CSDE1: variants seen among roughly 807,000 people sequenced by gnomAD.
CSDE1 encodes the protein cold shock domain containing E1.
CSDE1 carries 17 observed loss-of-function variants against 89.3 expected under a neutral mutation model. The ratio of observed to expected loss-of-function variants is 0.19; its 90% CI spans 0.13 to 0.29. CSDE1 has a LOEUF of 0.29. CSDE1 is among the 10% of genes least tolerant of loss of function. The pLI is 1.00. For missense variants in CSDE1, 672 were observed against 984.2 expected (o/e 0.68, Z 4.24); for synonymous variants, 322 against 332.8 (o/e 0.97, Z 0.35).
In CSDE1 at chr1:114,746,975, A is replaced by C. The variant is rs1423296699; in HGVS notation, c.-1+2846T>G. 3 of 152,150 alleles carry C rather than the reference A, an allele frequency of 2.0e-5. No homozygotes were observed. In the East Asian group the frequency reaches 5.8e-4, roughly 29 times the overall value. 9.4% of individuals were successfully genotyped at this position (152,150 alleles called of 1,614,324 possible). A position where few individuals can be genotyped will look rare whatever the true frequency, so the allele number is the denominator to read the frequency against. On this transcript the variant is annotated intron_variant, in intron 2 of 19. Coordinates refer to ENST00000358528, the MANE Select transcript of CSDE1 (RefSeq NM_001007553.3). ...AAGTAATCCTGTTATTTTCTCACTC[A>C]TCTGGGGCCTCAGTTTTCTCTTGCT...
intron 3 of CSDE1, 87 bp downstream of exon 3, chr1:114,739,605 A>G: frequency 1.7e-6 from 2 of 1,161,250 alleles, no homozygotes; most frequent in Non-Finnish European, 2.5e-6. Context: ...AATTTACATA[A>G]AACTTTTTGA....
chr1:114,721,096 G>T (rs1659495023), intron 16 of CSDE1, among the ~76,000 whole-genome samples: 1 of 152,138 alleles, frequency 6.6e-6, no homozygotes, highest in African/African-American at 2.4e-5. Flanking sequence ...AAATACTTTT[G>T]TCCCATACTC....
intron 13 of CSDE1, 69 bp downstream of exon 13, chr1:114,726,914 C>A: frequency 2.0e-6 from 2 of 991,178 alleles, no homozygotes; most frequent in Non-Finnish European, 3.1e-6. Context: ...TTTGAAGAAC[C>A]CATCCTGCAG....
At chr1:114,723,495 C>T (rs1659637230) in intron 16 of CSDE1, among the ~76,000 whole-genome samples, 1 of 152,014 alleles carries the variant, frequency 6.6e-6, no homozygotes. Context: ...GGGAAAAAAA[C>T]AGTAAACTTT....
chr1:114,717,994 A>T lies in CSDE1; in HGVS notation c.*175T>A. The T allele has an allele frequency of 1.6e-6, 1 of 613,838 alleles. No individual in the cohort carries two copies. The highest frequency in any genetic ancestry group is 2.7e-6 in the Non-Finnish European group (1 of 364,526). The allele number at this position is 613,838 out of a possible 1,614,324, so 38.0% of individuals were successfully genotyped here. ...GTGCATTATTTAAAATGGTTTTCTT[A>T]AATTTATTTATTTTTTTAAACATAA... On this transcript the variant is annotated 3_prime_UTR_variant, in exon 20 of 20. Transcript: ENST00000358528.
chr1:114,743,230 C>T (rs1481787038), intron 2 of CSDE1, among the ~76,000 whole-genome samples: 2 of 152,142 alleles, frequency 1.3e-5, no homozygotes, highest in African/African-American at 4.8e-5. Context: ...GTCTCGCTGT[C>T]ACCCAGCCTG....
intron 2 of CSDE1, among the ~76,000 whole-genome samples, chr1:114,742,565 C>T (rs1660788028): frequency 6.6e-6 from 1 of 152,070 alleles, no homozygotes; most frequent in Admixed American, 6.6e-5. Flanking sequence ...CTGGGCAACA[C>T]AGCAAGACTC....
At position 114,737,533 on chromosome 1, in the gene CSDE1, T is replaced by C. The variant is rs778586863; in HGVS notation, c.340A>G (p.Ser114Gly). The C allele has an allele frequency of 6.2e-7, 1 of 1,613,458 alleles. No individual in the cohort carries two copies. Among genetic ancestry groups the C allele is most frequent in the Admixed American group, 1.7e-5 (1 of 59,930 alleles). Reference sequence around the variant, plus strand: ...TGACCCGGGGCAGCTGGAGATTTACTCTCTAAGTTGTGAGGAACAGCGCAC... The same window carrying C: ...TGACCCGGGGCAGCTGGAGATTTACCCTCTAAGTTGTGAGGAACAGCGCAC... ...VVCAVPHNLE[S>G]KSPAAPGQSP... Residue 114 changes from serine (S) to glycine (G), a missense_variant, in exon 5 of 20, where the codon AGT (serine) becomes GGT (glycine). Around this residue, in one of 8 missense-constraint regions of CSDE1, gnomAD observed 124 missense variants for 138.7 expected, o/e 0.89. Transcript: ENST00000358528.
At chr1:114,726,421 C>T (rs1198990953) in intron 13 of CSDE1, 35 bp from the exon 14 acceptor site, 12 of 1,541,590 alleles carry the variant, frequency 7.8e-6, no homozygotes, top group Non-Finnish European at 9.7e-6. Context: ...AACACCATAT[C>T]ACTTCCACAC....
At chr1:114,721,206 A>AT (rs1390063032) in intron 16 of CSDE1, among the ~76,000 whole-genome samples, 2 of 152,156 alleles carry the variant, frequency 1.3e-5, no homozygotes, top group African/African-American at 4.8e-5. Context: ...GCTCCCTCAC[A>AT]TAGGTTCCTT....
intron 12 of CSDE1, 45 bp from the exon 13 acceptor site, chr1:114,727,135 CA>C (rs923123067): frequency 1.5e-6 from 2 of 1,364,860 alleles, no homozygotes; most frequent in African/African-American, 2.9e-5. Flanking sequence ...ATCTCAAGAA[CA>C]AAAACCAATA....
chr1:114,736,044 G>A (rs1660383718), intron 6 of CSDE1, among the ~76,000 whole-genome samples: 1 of 152,098 alleles, frequency 6.6e-6, no homozygotes, highest in African/African-American at 2.4e-5. Context: ...CCTTAGCCCA[G>A]TTTATGGTAC....
At chr1:114,734,252 T>C in intron 7 of CSDE1, 135 bp from the exon 8 acceptor site, 5 of 1,178,520 alleles carry the variant, frequency 4.2e-6, no homozygotes, top group Non-Finnish European at 4.7e-6. Context: ...ATATTATCAA[T>C]TAAACAGCCA....
chr1:114,745,888 G>A (rs1278435951), intron 2 of CSDE1, among the ~76,000 whole-genome samples: 3 of 152,184 alleles, frequency 2.0e-5, no homozygotes, highest in African/African-American at 7.2e-5. Context: ...TGACTCTCAA[G>A]TACTTTTAAC....
Position 114,717,766 on chromosome 1 carries a change from A to C in CSDE1, c.*403T>G, listed in dbSNP as rs1027855617. On this transcript the variant is annotated 3_prime_UTR_variant, in exon 20 of 20. Transcript: ENST00000358528. ...GAATGCAACTGAGTGCTAAGGCAGA[A>C]CATCTTGCCAGAAGTAATTAATGAA... 2 of 174,972 alleles carry C rather than the reference A, an allele frequency of 1.1e-5. No homozygotes were observed. Among genetic ancestry groups the C allele is most frequent in the African/African-American group, 4.7e-5 (2 of 42,192 alleles). 10.8% of individuals were successfully genotyped at this position (174,972 alleles called of 1,614,324 possible).
At chr1:114,739,999 T>A (rs1660633347) in intron 2 of CSDE1, 109 bp from the exon 3 acceptor site, 1 of 827,494 alleles carries the variant, frequency 1.2e-6, no homozygotes, top group Non-Finnish European at 1.9e-6. Flanking sequence ...CAAAAAAAAG[T>A]AAAATGAAGG....
intron 1 of CSDE1, among the ~76,000 whole-genome samples, chr1:114,752,295 C>T (rs1185834658): frequency 1.3e-5 from 2 of 152,188 alleles, no homozygotes; most frequent in East Asian, 1.9e-4. Flanking sequence ...CCCTGTCAAA[C>T]ATCTTCAGTT....
Position 114,739,897 on chromosome 1 carries a change from T to TA in CSDE1, c.1-8dup. 6.2e-7 allele frequency: 1 copy of TA among 1,608,796 alleles called. No homozygotes were observed. The highest frequency in any genetic ancestry group is 8.5e-7 in the Non-Finnish European group (1 of 1,175,358). On this transcript the variant is annotated splice_polypyrimidine_tract_variant and splice_region_variant and intron_variant, in intron 2 of 19. Coordinates refer to ENST00000358528, the MANE Select transcript of CSDE1 (RefSeq NM_001007553.3). ...GGTTTGGATCAAAGCTCATCTGTTT[T>TA]AAAAAGAAAAAGAATATATACATAT...
At chr1:114,719,409 T>A (rs1659385111) in intron 18 of CSDE1, among the ~76,000 whole-genome samples, 170 bp downstream of exon 18, 1 of 152,152 alleles carries the variant, frequency 6.6e-6, no homozygotes, top group African/African-American at 2.4e-5. Context: ...GGCAAAAATT[T>A]TAAAAAACAT....
Sources: gnomAD v4.1 joint callset for allele counts (sites outside exome capture counted in the v4.1 genomes callset) on GRCh38, gnomAD v4.1.1 for gene constraint, gnomAD v4.1.1 regional missense constraint, MANE v1.5 for transcripts, NCBI Gene and HGNC (gene_info 2026-07-23, HGNC 2026-07-21) for gene names.